PCDHGA10: variants seen among roughly 807,000 people sequenced by gnomAD.
PCDHGA10 encodes the protein protocadherin gamma-A10.
PCDHGA10 carries 42 observed loss-of-function variants against 59.5 expected under a neutral mutation model. The ratio of observed to expected loss-of-function variants is 0.71; its 90% CI spans 0.55 to 0.91. The LOEUF (loss-of-function observed/expected upper bound fraction) is 0.91. PCDHGA10 is among the 40% of genes least tolerant of loss of function. PCDHGA10 has a pLI of 0.00. For missense variants in PCDHGA10, 1,111 were observed against 1,198.2 expected (o/e 0.93, Z 1.07); for synonymous variants, 511 against 517.2 (o/e 0.99, Z 0.16).
intron 2 of PCDHGA10, among the ~76,000 whole-genome samples, chr5:141,500,254 G>A (rs1260325865): frequency 1.3e-5 from 2 of 150,426 alleles, no homozygotes; most frequent in Non-Finnish European, 3.0e-5. Context: ...TGTCACCCAG[G>A]CTGGACTGCA....
chr5:141,473,245 C>T (rs2099317733), intron 1 of PCDHGA10, among the ~76,000 whole-genome samples: 1 of 152,134 alleles, frequency 6.6e-6, no homozygotes, highest in African/African-American at 2.4e-5. Context: ...CAAGTGAATA[C>T]ATATATAGTC....
At position 141,457,041 on chromosome 5, in the gene PCDHGA10, A is replaced by T. The variant is rs151212070; in HGVS notation, c.2437-37766A>T. On this transcript the variant is annotated intron_variant, in intron 1 of 3. Transcript: ENST00000398610. ...AAGTCCTAGTAGACTCAGTGATAGT[A>T]AAACTTTCATGCTTCCTTTTTGCCA... 2.3e-4 allele frequency among the ~76,000 whole-genome samples: 35 copies of T among 152,360 alleles called. No individual in the cohort carries two copies. In the East Asian group the frequency reaches 6.4e-3, roughly 28 times the overall value.
chr5:141,426,790 A>T, intron 1 of PCDHGA10: 1 of 456,732 alleles, frequency 2.2e-6, no homozygotes, highest in Middle Eastern at 3.3e-4. Flanking sequence ...CTCCAGAGTT[A>T]CCAGCTCAGT....
intron 1 of PCDHGA10, among the ~76,000 whole-genome samples, chr5:141,472,352 T>G (rs1364883510): frequency 6.6e-6 from 1 of 151,718 alleles, no homozygotes; most frequent in Non-Finnish European, 1.5e-5. Context: ...CCATCCTGGC[T>G]AACACGGTGA....
rs749095017 is a variant in PCDHGA10, at chr5:141,489,455, G to A, written c.2437-5352G>A. 1 of 1,614,042 alleles carries A rather than the reference G, an allele frequency of 6.2e-7. No homozygotes were observed. ...CTGCAATTGGGCTCTGAGGAGAATGGGCGCTATTTTTCCCTGAGCTTGATG... is the reference window on the plus strand; with the variant it reads ...CTGCAATTGGGCTCTGAGGAGAATGAGCGCTATTTTTCCCTGAGCTTGATG... On this transcript the variant is annotated intron_variant, in intron 1 of 3. Coordinates refer to ENST00000398610, the MANE Select transcript of PCDHGA10 (RefSeq NM_018913.3). This position sits in a 1 kb window ranked among gnomAD's most constrained non-coding sequence, Gnocchi z 4.5.
intron 2 of PCDHGA10, among the ~76,000 whole-genome samples, chr5:141,503,075 G>C (rs1373753092): frequency 6.6e-6 from 1 of 151,438 alleles, no homozygotes; most frequent in Non-Finnish European, 1.5e-5. Context: ...GAATGGTCTC[G>C]ATCTCCTGAC....
At chr5:141,438,136 A>C (rs2097931548) in intron 1 of PCDHGA10, among the ~76,000 whole-genome samples, 1 of 152,186 alleles carries the variant, frequency 6.6e-6, no homozygotes, top group Non-Finnish European at 1.5e-5. Flanking sequence ...TAATGGCAAA[A>C]GATAGCCAGC....
At chr5:141,418,458 TG>T in intron 1 of PCDHGA10, 1 of 1,614,010 alleles carries the variant, frequency 6.2e-7, no homozygotes, top group Non-Finnish European at 8.5e-7. Flanking sequence ...CAGAAGACTC[TG>T]GACCGAGAAA....
chr5:141,483,303 T>A (rs1222660132), intron 1 of PCDHGA10, among the ~76,000 whole-genome samples: 1 of 152,146 alleles, frequency 6.6e-6, no homozygotes, highest in Non-Finnish European at 1.5e-5. Context: ...GTGAAGGGAC[T>A]GGGGACATTG....
Position 141,489,492 on chromosome 5 carries a change from G to T in PCDHGA10, c.2437-5315G>T, listed in dbSNP as rs1258376136. On this transcript the variant is annotated intron_variant, in intron 1 of 3. Coordinates refer to ENST00000398610, the MANE Select transcript of PCDHGA10 (RefSeq NM_018913.3). The surrounding 1 kb of genome is among the most constrained non-coding windows in gnomAD (Gnocchi z 4.5). ...CCCTGAGCTTGATGAGTGGTGCCCT[G>T]GCAGTGAATCAAAAGATTGACCGAG... 1 of 1,614,042 alleles carries T rather than the reference G, an allele frequency of 6.2e-7. No individual in the cohort carries two copies. The highest frequency in any genetic ancestry group is 1.1e-5 in the South Asian group (1 of 91,078).
Position 141,505,488 on chromosome 5 carries a change from G to A in PCDHGA10, c.2584+7G>A. On this transcript the variant is annotated splice_region_variant and intron_variant, in intron 3 of 3. Transcript: ENST00000398610. Reference sequence around the variant, plus strand: ...ATCTTGGCGTCCGCCAGTGGTAAGTGGTGTCAGTGTGTGTATGGAAGAGTG... The same window carrying A: ...ATCTTGGCGTCCGCCAGTGGTAAGTAGTGTCAGTGTGTGTATGGAAGAGTG... The A allele has an allele frequency of 6.2e-7, 1 of 1,614,222 alleles. No individual in the cohort carries two copies. The highest frequency in any genetic ancestry group is 8.5e-7 in the Non-Finnish European group (1 of 1,180,018).
In PCDHGA10 at chr5:141,413,613, TA is replaced by T. The variant is rs2095659138; in HGVS notation, c.440del (p.Asn147MetfsTer22). The T allele has an allele frequency of 4.3e-6, 7 of 1,613,714 alleles. No individual in the cohort carries two copies. The East Asian group carries it at 1.6e-4, about 36-fold the overall frequency. On this transcript the variant is annotated frameshift_variant, in exon 1 of 4. Transcript: ENST00000398610. LOFTEE classifies it high-confidence loss of function. Reference sequence around the variant, plus strand: ...AAGCAGAAAATCTAGACGTAAAAATTAATGAAAATGTCGCTGCGGGAATGCG... The same window carrying T: ...AAGCAGAAAATCTAGACGTAAAAATTATGAAAATGTCGCTGCGGGAATGCG... ...FQAENLDVKI[N>X]ENVAAGMRFP... is the part of the protein sequence containing the mutation.
rs372466798 is a variant in PCDHGA10 at position 141,413,407 on chromosome 5, C to T, written c.232C>T (p.Leu78Phe). Residue 78 changes from leucine (L) to phenylalanine (F), a missense_variant, in exon 1 of 4, where the codon CTT (leucine) becomes TTT (phenylalanine). Leu to Phe is a conservative substitution (Grantham distance 22). Transcript: ENST00000398610. ...CATAGTCTCCAGAGGTAGGACGCAG[C>T]TTTTCTCTCTGAACCCGCGCAGCGG... ...VRIVSRGRTQ[L>F]FSLNPRSGSL... The T allele has an allele frequency of 6.2e-7, 1 of 1,614,044 alleles. No individual in the cohort carries two copies. The highest frequency in any genetic ancestry group is 8.5e-7 in the Non-Finnish European group (1 of 1,179,938).
chr5:141,430,534 C>CT (rs962032641), intron 1 of PCDHGA10: 2 of 381,726 alleles, frequency 5.2e-6, no homozygotes, highest in Non-Finnish European at 9.2e-6. Context: ...GGTTAGGACT[C>CT]TGAGCGCCGC....
At position 141,432,950 on chromosome 5, in the gene PCDHGA10, G is replaced by T. The variant is rs750033444; in HGVS notation, c.2436+17339G>T. ...ACGCCTGCTGCAGGCTTCAGGAGGCGGCTTGACAGGAGCGCCGGCGTCGCA... is the reference window on the plus strand; with the variant it reads ...ACGCCTGCTGCAGGCTTCAGGAGGCTGCTTGACAGGAGCGCCGGCGTCGCA... On this transcript the variant is annotated intron_variant, in intron 1 of 3. Coordinates refer to ENST00000398610, the MANE Select transcript of PCDHGA10 (RefSeq NM_018913.3). This position sits in a 1 kb window ranked among gnomAD's most constrained non-coding sequence, Gnocchi z 6.0. 6 of 1,614,072 alleles carry T rather than the reference G, an allele frequency of 3.7e-6. No individual in the cohort carries two copies. Among genetic ancestry groups the T allele is most frequent in the Admixed American group, 1.7e-5 (1 of 60,010 alleles).
chr5:141,492,873 C>G (rs2099744714), intron 1 of PCDHGA10, among the ~76,000 whole-genome samples: 1 of 152,182 alleles, frequency 6.6e-6, no homozygotes, highest in Non-Finnish European at 1.5e-5. Context: ...CTCTCAACCC[C>G]CAGAGATACA....
rs752088903 is a variant in PCDHGA10, at chr5:141,490,784, G to A, written c.2437-4023G>A. The A allele has an allele frequency of 1.7e-5, 27 of 1,613,906 alleles. No individual in the cohort carries two copies. The highest frequency in any genetic ancestry group is 1.2e-4 in the African/African-American group (9 of 74,922). The stretch of plus-strand genomic sequence containing the variant: ...GTGTATGTCAACCCAGAGGATGGAC[G>A]GATCTTTGCCCAGCGTACCTTTGAC... On this transcript the variant is annotated intron_variant, in intron 1 of 3. Transcript: ENST00000398610. This position sits in a 1 kb window ranked among gnomAD's most constrained non-coding sequence, Gnocchi z 5.4.
chr5:141,430,471 T>TA (rs759564776), intron 1 of PCDHGA10: 176 of 234,152 alleles, frequency 7.5e-4, no homozygotes, highest in Non-Finnish European at 1.1e-3. Context: ...TGGAGCTATT[T>TA]AAGATATAAA....
intron 1 of PCDHGA10, chr5:141,433,015 C>T (rs2154555449): frequency 2.5e-6 from 4 of 1,614,172 alleles, no homozygotes; most frequent in South Asian, 2.2e-5. Flanking sequence ...TCCTGCAGAC[C>T]TATTCCCACG....
Sources: gnomAD v4.1 joint callset for allele counts (sites outside exome capture counted in the v4.1 genomes callset) on GRCh38, gnomAD v4.1.1 for gene constraint, Gnocchi (gnomAD v3.1) non-coding constraint, MANE v1.5 for transcripts, NCBI Gene and HGNC (gene_info 2026-07-23, HGNC 2026-07-21) for gene names.